Variants in CSMD3 observed in about 807,000 individuals in gnomAD.
The protein encoded by CSMD3 is CUB and sushi domain-containing protein 3.
CSMD3 carries 177 observed loss-of-function variants against 435.2 expected under a neutral mutation model. The ratio of observed to expected loss-of-function variants is 0.41; its 90% CI spans 0.36 to 0.46. The LOEUF is 0.46. CSMD3 is among the 20% of genes least tolerant of loss of function. CSMD3 has a pLI of 0.34. For synonymous variants in CSMD3, 1,656 were observed against 1,520.5 expected (o/e 1.09, Z -2.07); for missense variants, 4,265 against 4,504.6 (o/e 0.95, Z 1.52).
At chr8:112,570,781 A>G (rs1364355708) in intron 24 of CSMD3, among the ~76,000 whole-genome samples, 2 of 152,196 alleles carry the variant, frequency 1.3e-5, no homozygotes, top group African/African-American at 4.8e-5. Context: ...GTTGGTTCAC[A>G]AAATTGTCTA....
intron 5 of CSMD3, among the ~76,000 whole-genome samples, chr8:113,035,341 A>G (rs1486219363): frequency 6.6e-6 from 1 of 152,050 alleles, no homozygotes; most frequent in Non-Finnish European, 1.5e-5. Flanking sequence ...ATGTACATTC[A>G]AGAACATAGA....
chr8:112,281,116 T>C lies in CSMD3; in HGVS notation c.9508+58A>G, dbSNP rs16883355. On this transcript the variant is annotated intron_variant, in intron 59 of 70. Coordinates refer to ENST00000297405, the MANE Select transcript of CSMD3 (RefSeq NM_198123.2). Reference sequence around the variant, plus strand: ...ATTACAAAACACACAAAAATACTTATATACTCATCAATACTTTCATATAAT... The same window carrying C: ...ATTACAAAACACACAAAAATACTTACATACTCATCAATACTTTCATATAAT... 0.033 allele frequency: 41,585 copies of C among 1,263,548 alleles called. 1,244 individuals carry two copies. The highest frequency in any genetic ancestry group is 0.13 in the East Asian group (5,491 of 40,856). 78.3% of individuals were successfully genotyped at this position (1,263,548 alleles called of 1,614,324 possible). A position where few individuals can be genotyped will look rare whatever the true frequency, so the allele number is the denominator to read the frequency against.
chr8:113,353,316 A>T (rs182764735), intron 1 of CSMD3, among the ~76,000 whole-genome samples: 164 of 122,458 alleles, frequency 1.3e-3, no homozygotes, highest in East Asian at 6.9e-3. Flanking sequence ...ATATTTTTTT[A>T]AAAAATTTTG....
chr8:113,234,945 C>G (rs932338458), intron 3 of CSMD3, among the ~76,000 whole-genome samples: 2 of 151,992 alleles, frequency 1.3e-5, no homozygotes, highest in African/African-American at 4.8e-5. Flanking sequence ...GACCATGCCA[C>G]CAGCCAGGTG....
In CSMD3 at chr8:113,153,123, A is replaced by G. The variant is rs202098632; in HGVS notation, c.709+20599T>C. ...AAGAAAAGAAAGAAAGAAAGAAAGA[A>G]AGAGAAAGAAGGAAGGAAGGAAGGA... On this transcript the variant is annotated intron_variant, in intron 4 of 70. Transcript: ENST00000297405. Among the ~76,000 whole-genome samples the G allele has an allele frequency of 9.1e-3, 802 of 88,236 alleles. 5 individuals carry two copies. The highest frequency in any genetic ancestry group is 0.026 in the East Asian group (74 of 2,834). The allele number at this position is 88,236 out of a possible 152,430, so 57.9% of individuals were successfully genotyped here.
At chr8:113,049,835 G>T (rs867979715) in intron 5 of CSMD3, among the ~76,000 whole-genome samples, 1 of 152,042 alleles carries the variant, frequency 6.6e-6, no homozygotes, top group Non-Finnish European at 1.5e-5. Flanking sequence ...GATTACATGG[G>T]TGTATGCTAT....
chr8:113,280,291 C>T (rs999296192), intron 2 of CSMD3, among the ~76,000 whole-genome samples: 3 of 151,802 alleles, frequency 2.0e-5, no homozygotes, highest in Admixed American at 2.0e-4. Flanking sequence ...TCTGTCTGGT[C>T]TTGGACTTTT....
chr8:112,298,066 C>CAAAAAA (rs35232021), intron 53 of CSMD3, among the ~76,000 whole-genome samples: 6 of 93,582 alleles, frequency 6.4e-5, no homozygotes, highest in East Asian at 3.3e-4. Context: ...TGCCATTGCA[C>CAAAAAA]AAAAAAAAAA....
At chr8:112,288,207 C>A (rs1819404706) in intron 57 of CSMD3, among the ~76,000 whole-genome samples, 1 of 124,618 alleles carries the variant, frequency 8.0e-6, no homozygotes, top group South Asian at 2.5e-4. Context: ...TTTTAAATAT[C>A]TGTGTACCAT....
chr8:113,165,460 A>T (rs2092131415), intron 4 of CSMD3, among the ~76,000 whole-genome samples: 1 of 152,186 alleles, frequency 6.6e-6, no homozygotes, highest in Non-Finnish European at 1.5e-5. Context: ...AACTCCAAGT[A>T]AACAAAAGCC....
intron 59 of CSMD3, among the ~76,000 whole-genome samples, chr8:112,276,758 T>C (rs1232752156): frequency 6.6e-6 from 1 of 152,194 alleles, no homozygotes; most frequent in Non-Finnish European, 1.5e-5. Flanking sequence ...CATACATCAT[T>C]TGAAATCTAG....
intron 3 of CSMD3, among the ~76,000 whole-genome samples, chr8:113,251,983 C>G (rs1227387432): frequency 6.6e-6 from 1 of 152,026 alleles, no homozygotes; most frequent in Non-Finnish European, 1.5e-5. Flanking sequence ...TAACCAGCAC[C>G]TATTATGCTC....
At chr8:113,299,766 G>A (rs566964224) in intron 2 of CSMD3, among the ~76,000 whole-genome samples, 1 of 152,204 alleles carries the variant, frequency 6.6e-6, no homozygotes, top group African/African-American at 2.4e-5. Context: ...AAGCTGAGGT[G>A]GATGGATCAC....
At chr8:112,747,104 C>A (rs979265621) in intron 13 of CSMD3, among the ~76,000 whole-genome samples, 1 of 147,106 alleles carries the variant, frequency 6.8e-6, no homozygotes, top group African/African-American at 2.5e-5. Flanking sequence ...ACTCTTTCCT[C>A]TAGTTCATTA....
At chr8:113,240,342 G>T (rs1457294405) in intron 3 of CSMD3, among the ~76,000 whole-genome samples, 2 of 152,066 alleles carry the variant, frequency 1.3e-5, no homozygotes, top group Non-Finnish European at 2.9e-5. Context: ...CTTTATAATA[G>T]AACAATTTCT....
At chr8:113,409,305 G>A (rs1387097452) in intron 1 of CSMD3, among the ~76,000 whole-genome samples, 15 of 151,426 alleles carry the variant, frequency 9.9e-5, no homozygotes, top group Non-Finnish European at 2.9e-5. Context: ...GGGTGGTCTC[G>A]AACTCCTGAC....
intron 31 of CSMD3, among the ~76,000 whole-genome samples, chr8:112,486,481 ATAT>A (rs1820147422): frequency 6.6e-6 from 1 of 152,074 alleles, no homozygotes; most frequent in Non-Finnish European, 1.5e-5. Context: ...ATAATATGTA[ATAT>A]TATTATTACC....
At chr8:112,783,504 G>C (rs894194439) in intron 13 of CSMD3, among the ~76,000 whole-genome samples, 1 of 103,844 alleles carries the variant, frequency 9.6e-6, no homozygotes, top group Non-Finnish European at 1.9e-5. Context: ...GGGAGGGAGG[G>C]AGGAAGGGAG....
chr8:112,272,777 A>G (rs1443986716), intron 59 of CSMD3, among the ~76,000 whole-genome samples: 1 of 152,192 alleles, frequency 6.6e-6, no homozygotes, highest in African/African-American at 2.4e-5. Flanking sequence ...TGATTACCAC[A>G]TATAAACACT....
Sources: gnomAD v4.1 joint callset for allele counts (sites outside exome capture counted in the v4.1 genomes callset) on GRCh38, gnomAD v4.1.1 for gene constraint, MANE v1.5 for transcripts, NCBI Gene and HGNC (gene_info 2026-07-23, HGNC 2026-07-21) for gene names.